TRPM3: variants seen among roughly 807,000 people sequenced by gnomAD.
The protein encoded by TRPM3 is long transient receptor potential channel 3.
TRPM3 carries 77 observed loss-of-function variants against 181.2 expected under a neutral mutation model. The ratio of observed to expected loss-of-function variants is 0.42; its 90% CI spans 0.35 to 0.51. The LOEUF is 0.51. TRPM3 is among the 20% of genes least tolerant of loss of function. TRPM3 has a pLI of 0.01. For synonymous variants in TRPM3, 745 were observed against 796.4 expected, an observed-to-expected ratio of 0.94 and a Z score of 1.09; for missense variants, 1,759 against 2,196.7, an observed-to-expected ratio of 0.80 and a Z score of 3.98.
chr9:71,242,228 T>G (rs1470345854), intron 1 of TRPM3, among the ~76,000 whole-genome samples: 1 of 152,200 alleles, frequency 6.6e-6, no homozygotes, highest in Non-Finnish European at 1.5e-5. Flanking sequence ...TAAATCAAAG[T>G]ACCTCCAGCT....
At chr9:70,600,945 G>C (rs1283438048) in intron 20 of TRPM3, among the ~76,000 whole-genome samples, 1 of 152,100 alleles carries the variant, frequency 6.6e-6, no homozygotes. Context: ...ACAGTCCGGG[G>C]TGAGGCAGAA....
At chr9:71,282,076 G>GA (rs1565417635) in intron 1 of TRPM3, among the ~76,000 whole-genome samples, 16 of 36,146 alleles carry the variant, frequency 4.4e-4, no homozygotes, top group African/African-American at 2.2e-3. Flanking sequence ...AGAAAGGAAA[G>GA]AAAGGAAAGA....
intron 1 of TRPM3, among the ~76,000 whole-genome samples, chr9:71,077,963 C>A (rs1485554851): frequency 4.7e-5 from 7 of 148,158 alleles, no homozygotes; most frequent in Admixed American, 2.0e-4. Flanking sequence ...GCCAACCACA[C>A]AAGCTTCTTG....
chr9:71,041,798 G>T (rs1387202575), intron 1 of TRPM3, among the ~76,000 whole-genome samples: 5 of 152,066 alleles, frequency 3.3e-5, no homozygotes. Flanking sequence ...TGTTCAGGTA[G>T]GATTTAGCCA....
At chr9:71,175,032 A>T (rs553884511) in intron 1 of TRPM3, among the ~76,000 whole-genome samples, 2 of 152,170 alleles carry the variant, frequency 1.3e-5, no homozygotes, top group East Asian at 3.9e-4. Context: ...TCATGGAGGC[A>T]TGACGTGTAG....
At chr9:70,604,558 G>C (rs891677566) in intron 19 of TRPM3, among the ~76,000 whole-genome samples, 5 of 152,202 alleles carry the variant, frequency 3.3e-5, no homozygotes, top group Non-Finnish European at 7.3e-5. Context: ...GGGGTCTGGA[G>C]GTACTGCATG....
Position 70,545,548 on chromosome 9 carries a change from CTTTTTTT to C in TRPM3, c.3707+3987_3707+3993del, listed in dbSNP as rs5898150. ...AGAGAAAAGAATTTTAATTTTCTTT[CTTTTTTT>C]TTTTTTTTTGAAGTGGAGTCTCGCT... On this transcript the variant is annotated intron_variant, in intron 25 of 25. Transcript: ENST00000677713. Among the ~76,000 whole-genome samples, 176 of 113,340 alleles carry C rather than the reference CTTTTTTT, an allele frequency of 1.6e-3. 3 individuals carry two copies. Among genetic ancestry groups the C allele is most frequent in the Admixed American group, 2.8e-3 (26 of 9,394 alleles). 74.4% of individuals were successfully genotyped at this position (113,340 alleles called of 152,430 possible).
chr9:70,619,660 A>G (rs1302047610), intron 16 of TRPM3, among the ~76,000 whole-genome samples: 1 of 151,676 alleles, frequency 6.6e-6, no homozygotes, highest in African/African-American at 2.4e-5. Context: ...AACGATCCAC[A>G]CACCTCAGCC....
intron 1 of TRPM3, among the ~76,000 whole-genome samples, chr9:71,211,086 T>C (rs2079468045): frequency 6.6e-6 from 1 of 152,150 alleles, no homozygotes; most frequent in African/African-American, 2.4e-5. Flanking sequence ...ACACAGTCAT[T>C]CCCTGGCAGA....
At chr9:70,751,295 T>C (rs903906699) in intron 8 of TRPM3, among the ~76,000 whole-genome samples, 7 of 152,036 alleles carry the variant, frequency 4.6e-5, no homozygotes, top group Admixed American at 2.6e-4. Context: ...TAATATCAGA[T>C]GAAATGAAAT....
At chr9:71,156,297 C>T (rs1010504120) in intron 1 of TRPM3, among the ~76,000 whole-genome samples, 2 of 150,158 alleles carry the variant, frequency 1.3e-5, no homozygotes, top group African/African-American at 4.9e-5. Context: ...ATTCTTTAAG[C>T]CTTTGCTTCT....
chr9:71,379,353 A>T (rs765911087), intron 1 of TRPM3, among the ~76,000 whole-genome samples: 4 of 152,052 alleles, frequency 2.6e-5, no homozygotes, highest in Non-Finnish European at 5.9e-5. Context: ...TTGTGAAAGC[A>T]TACATTAGTT....
At chr9:70,975,394 G>A (rs2097292904) in intron 1 of TRPM3, among the ~76,000 whole-genome samples, 1 of 152,198 alleles carries the variant, frequency 6.6e-6, no homozygotes, top group Non-Finnish European at 1.5e-5. Flanking sequence ...CTCTAATGTT[G>A]TGAAGACCTC....
At chr9:70,911,328 A>G (rs2096535438) in intron 1 of TRPM3, among the ~76,000 whole-genome samples, 1 of 152,154 alleles carries the variant, frequency 6.6e-6, no homozygotes, top group Non-Finnish European at 1.5e-5. Context: ...TTTTTGAACA[A>G]CTTTTAAACA....
chr9:71,239,816 A>T (rs1033712583), intron 1 of TRPM3, among the ~76,000 whole-genome samples: 2 of 152,158 alleles, frequency 1.3e-5, no homozygotes, highest in Admixed American at 1.3e-4. Flanking sequence ...ACATGCTTTC[A>T]TGTAAGTTAT....
chr9:71,390,181 G>A (rs2093029682), intron 1 of TRPM3, among the ~76,000 whole-genome samples: 3 of 151,894 alleles, frequency 2.0e-5, no homozygotes, highest in African/African-American at 7.2e-5. Context: ...AAATATGCAC[G>A]GATAGATTCA....
intron 20 of TRPM3, among the ~76,000 whole-genome samples, chr9:70,599,437 A>G (rs1025270914): frequency 1.3e-5 from 2 of 152,228 alleles, no homozygotes; most frequent in Non-Finnish European, 2.9e-5. Flanking sequence ...AAAGCAAATG[A>G]TCATAATTGT....
chr9:71,241,314 T>C (rs952419769), intron 1 of TRPM3, among the ~76,000 whole-genome samples: 1 of 152,132 alleles, frequency 6.6e-6, no homozygotes, highest in South Asian at 2.1e-4. Context: ...CCTTTCACTA[T>C]GGTCCTGGCC....
chr9:70,924,267 C>A (rs2096696361), intron 1 of TRPM3, among the ~76,000 whole-genome samples: 1 of 152,082 alleles, frequency 6.6e-6, no homozygotes, highest in South Asian at 2.1e-4. Context: ...TATTTATTTC[C>A]TTCCTTGATT....
Sources: gnomAD v4.1 joint callset for allele counts (sites outside exome capture counted in the v4.1 genomes callset) on GRCh38, gnomAD v4.1.1 for gene constraint, MANE v1.5 for transcripts, NCBI Gene and HGNC (gene_info 2026-07-23, HGNC 2026-07-21) for gene names.